MARK3: variants seen among roughly 807,000 people sequenced by gnomAD.
The protein encoded by MARK3 is microtubule affinity regulating kinase 3.
A neutral mutation model predicts 90.1 loss-of-function variants in MARK3; 46 were observed. The ratio of observed to expected loss-of-function variants is 0.51; its 90% CI spans 0.40 to 0.65. The LOEUF (loss-of-function observed/expected upper bound fraction) is 0.65, where lower values mean the gene tolerates loss of function less well. MARK3 is among the 30% of genes least tolerant of loss of function. The pLI, the probability that MARK3 is intolerant of heterozygous loss-of-function variation, is 0.00. For missense variants in MARK3, 818 were observed against 947.2 expected (o/e 0.86, Z 1.79); for synonymous variants, 321 against 332.6 (o/e 0.97, Z 0.38).
Position 103,428,392 on chromosome 14 carries a change from A to G in MARK3, c.249A>G (p.Ala83=). Residue 83 remains alanine, a synonymous_variant, in exon 3 of 18, where the codon GCA becomes GCG. Transcript: ENST00000429436. ...ATATTTATTATTCTTTCTAGGTTGC[A>G]ATAAAAATAATTGACAAAACTCAGT... ...ARHILTGREV[A]IKIIDKTQLN... is the part of the protein sequence containing the mutation. 2 of 1,440,296 alleles carry G rather than the reference A, an allele frequency of 1.4e-6. No individual in the cohort carries two copies. Among genetic ancestry groups the G allele is most frequent in the Non-Finnish European group, 1.9e-6 (2 of 1,054,440 alleles). The allele number at this position is 1,440,296 out of a possible 1,614,324, so 89.2% of individuals were successfully genotyped here.
intron 2 of MARK3, among the ~76,000 whole-genome samples, chr14:103,421,649 A>G (rs763119337): frequency 7.2e-5 from 11 of 152,122 alleles, no homozygotes; most frequent in South Asian, 2.1e-4. Flanking sequence ...TTTTCCAAGC[A>G]TATTCTAGGG....
chr14:103,436,999 A>G (rs903945514), intron 3 of MARK3, among the ~76,000 whole-genome samples: 13 of 152,286 alleles, frequency 8.5e-5, no homozygotes, highest in African/African-American at 2.9e-4. Context: ...AGGCTAAGGC[A>G]GGAGAATCAC....
At chr14:103,415,076 C>T (rs1037579563) in intron 2 of MARK3, among the ~76,000 whole-genome samples, 12 of 132,420 alleles carry the variant, frequency 9.1e-5, no homozygotes, top group Admixed American at 4.5e-4. Context: ...CACTTGAACC[C>T]GGGAGGCGGA....
At chr14:103,413,194 A>T (rs2091760379) in intron 2 of MARK3, among the ~76,000 whole-genome samples, 1 of 152,106 alleles carries the variant, frequency 6.6e-6, no homozygotes, top group Non-Finnish European at 1.5e-5. Context: ...GTTTCTATTC[A>T]GGAATGTGCA....
At chr14:103,387,516 A>G (rs1376488284) in intron 1 of MARK3, among the ~76,000 whole-genome samples, 1 of 152,094 alleles carries the variant, frequency 6.6e-6, no homozygotes, top group East Asian at 1.9e-4. Flanking sequence ...ATTTTTTGAG[A>G]CAGACCGAGA....
Position 103,502,942 on chromosome 14 carries a change from CT to C in MARK3, c.1979del (p.Phe660SerfsTer5), listed in dbSNP as rs1396639310. The C allele has an allele frequency of 6.2e-7, 1 of 1,614,142 alleles. No individual in the cohort carries two copies. The highest frequency in any genetic ancestry group is 1.3e-5 in the African/African-American group (1 of 74,944). On this transcript the variant is annotated frameshift_variant, in exon 18 of 18. Transcript: ENST00000429436. LOFTEE classifies it high-confidence loss of function. ...NKEAKPRSLR[F>X]TWSMKTTSSM... is the part of the protein sequence containing the mutation. ...AAGAAGCAAAGCCTCGATCCCTACG[CT>C]TCACCTGGAGCATGAAAACCACTAG...
At chr14:103,470,920 C>T (rs1430459256) in intron 12 of MARK3, among the ~76,000 whole-genome samples, 1 of 152,138 alleles carries the variant, frequency 6.6e-6, no homozygotes, top group Non-Finnish European at 1.5e-5. Flanking sequence ...TGTTGCTTGC[C>T]TTTCTACATG....
chr14:103,406,392 T>TA (rs2091299058), intron 2 of MARK3, among the ~76,000 whole-genome samples: 1 of 90,442 alleles, frequency 1.1e-5, no homozygotes, highest in African/African-American at 3.4e-5. Flanking sequence ...GCCTGGCTAA[T>TA]TATTTTTTTT....
chr14:103,402,609 A>C (rs182992021), intron 1 of MARK3, among the ~76,000 whole-genome samples: 2 of 152,182 alleles, frequency 1.3e-5, no homozygotes, highest in African/African-American at 4.8e-5. Flanking sequence ...GTTGGTTTGC[A>C]TGAAAATTAT....
intron 3 of MARK3, among the ~76,000 whole-genome samples, chr14:103,431,986 C>A (rs1038161328): frequency 6.6e-6 from 1 of 151,882 alleles, no homozygotes; most frequent in African/African-American, 2.4e-5. Context: ...TCCCCCCTCC[C>A]ACCTGAATTT....
intron 2 of MARK3, among the ~76,000 whole-genome samples, chr14:103,427,744 G>A (rs973657155): frequency 3.3e-5 from 5 of 152,066 alleles, no homozygotes; most frequent in Non-Finnish European, 7.4e-5. Flanking sequence ...GGTGGTGGTG[G>A]GAGTGTCTTT....
chr14:103,428,138 TCCTG>T (rs1301886119), intron 2 of MARK3, among the ~76,000 whole-genome samples: 5 of 152,190 alleles, frequency 3.3e-5, no homozygotes, highest in African/African-American at 1.2e-4. Flanking sequence ...GTGATGATAT[TCCTG>T]CCTATTAGGG....
At chr14:103,390,623 A>C (rs1048587606) in intron 1 of MARK3, among the ~76,000 whole-genome samples, 2 of 152,204 alleles carry the variant, frequency 1.3e-5, no homozygotes, top group Non-Finnish European at 2.9e-5. Flanking sequence ...TGTTTTAACA[A>C]AGTTTATGAA....
intron 2 of MARK3, among the ~76,000 whole-genome samples, chr14:103,425,532 C>A (rs950875517): frequency 6.6e-6 from 1 of 152,164 alleles, no homozygotes; most frequent in African/African-American, 2.4e-5. Context: ...GCTGGGATTA[C>A]AGGCATGAGC....
chr14:103,498,868 G>A (rs2075493114), intron 16 of MARK3: 1 of 165,200 alleles, frequency 6.1e-6, no homozygotes, highest in Non-Finnish European at 1.3e-5. Context: ...TAATGTTAAT[G>A]TACAATTAAT....
chr14:103,466,854 A>G (rs2093513206), intron 10 of MARK3, among the ~76,000 whole-genome samples: 1 of 151,998 alleles, frequency 6.6e-6, no homozygotes. Flanking sequence ...AAACTACAAA[A>G]TTAGCCAGGC....
At chr14:103,430,549 T>C (rs1454123716) in intron 3 of MARK3, among the ~76,000 whole-genome samples, 13 of 152,192 alleles carry the variant, frequency 8.5e-5, no homozygotes, top group Non-Finnish European at 1.8e-4. Flanking sequence ...GAGCATGCCC[T>C]AGCAGCTAAC....
intron 3 of MARK3, among the ~76,000 whole-genome samples, chr14:103,431,887 A>G (rs2092592640): frequency 6.6e-6 from 1 of 152,096 alleles, no homozygotes; most frequent in South Asian, 2.1e-4. Flanking sequence ...ATTTTCTCTT[A>G]TGCAGAGTAA....
At chr14:103,429,397 T>C (rs918865238) in intron 3 of MARK3, 1 of 152,228 alleles carries the variant, frequency 6.6e-6, no homozygotes, top group African/African-American at 2.4e-5. Flanking sequence ...AAATAATGCA[T>C]ATAAAAGGGC....
Sources: gnomAD v4.1 joint callset for allele counts (sites outside exome capture counted in the v4.1 genomes callset) on GRCh38, gnomAD v4.1.1 for gene constraint, MANE v1.5 for transcripts, NCBI Gene and HGNC (gene_info 2026-07-23, HGNC 2026-07-21) for gene names.